The following KCNN2 variants were observed in gnomAD, a reference collection of about 807,000 sequenced individuals.
The protein encoded by KCNN2 is potassium calcium-activated channel subfamily N member 2, also known as small conductance calcium-activated potassium channel protein 2.
In KCNN2, 24 loss-of-function variants were observed where a neutral mutation model predicts 55.5. The observed-to-expected ratio is 0.43, with a 90% CI of 0.31 to 0.61. The LOEUF is 0.61. KCNN2 is among the 20% of genes least tolerant of loss of function. KCNN2 has a pLI of 0.08. For synonymous variants in KCNN2, 431 were observed against 336.1 expected (o/e 1.28, Z -3.09); for missense variants, 754 against 853.6 (o/e 0.88, Z 1.45).
chr5:114,199,485 A>G (rs991382426), intron 1 of KCNN2, among the ~76,000 whole-genome samples: 10 of 151,980 alleles, frequency 6.6e-5, no homozygotes, highest in African/African-American at 2.4e-4. Context: ...TTGTTTCATA[A>G]ATTATTTGTT....
chr5:114,283,878 T>G (rs1333134285), intron 2 of KCNN2, among the ~76,000 whole-genome samples: 2 of 152,202 alleles, frequency 1.3e-5, no homozygotes, highest in Non-Finnish European at 2.9e-5. Context: ...ATACATTACC[T>G]TAGGTTTTTA....
chr5:114,364,821 T>G (rs928075841), intron 2 of KCNN2, among the ~76,000 whole-genome samples: 2 of 152,004 alleles, frequency 1.3e-5, no homozygotes, highest in Non-Finnish European at 2.9e-5. Context: ...AGCTTAGAAT[T>G]TGCACTGTGT....
intron 2 of KCNN2, among the ~76,000 whole-genome samples, 186 bp downstream of exon 2, chr5:114,364,187 G>A (rs907094563): frequency 2.0e-5 from 3 of 152,180 alleles, no homozygotes; most frequent in Non-Finnish European, 4.4e-5. Context: ...ACAAGGCAGG[G>A]TAGCATATAA....
chr5:114,272,568 G>A (rs1755377378), intron 2 of KCNN2, among the ~76,000 whole-genome samples: 1 of 151,976 alleles, frequency 6.6e-6, no homozygotes, highest in Non-Finnish European at 1.5e-5. Context: ...AATACTAAAT[G>A]CTCTATAAAC....
rs1753596205 is a variant in KCNN2 at position 114,198,124 on chromosome 5, T to A, written c.-270-23356T>A. Reference sequence around the variant, plus strand: ...TTTTTTAAATAAATAGTTTATTCTCTGTAGGATCTATATCTGCCATTTGTT... The same window carrying A: ...TTTTTTAAATAAATAGTTTATTCTCAGTAGGATCTATATCTGCCATTTGTT... On this transcript the variant is annotated intron_variant, in intron 1 of 10. Coordinates refer to the KCNN2 transcript ENST00000512097. Among the ~76,000 whole-genome samples, 9 of 152,122 alleles carry A rather than the reference T, an allele frequency of 5.9e-5. No homozygotes were observed. The South Asian group carries it at 1.9e-3, about 32-fold the overall frequency.
intron 2 of KCNN2, among the ~76,000 whole-genome samples, chr5:114,333,610 TA>T (rs60329622): frequency 0.38 from 55,922 of 147,640 alleles, 11,752 homozygotes; most frequent in East Asian, 0.84. Context: ...GAGATGTTAG[TA>T]AAAAAAAAAA....
intron 2 of KCNN2, among the ~76,000 whole-genome samples, chr5:114,240,427 CTTTTTTTTTT>C (rs201223682): frequency 2.3e-5 from 3 of 130,396 alleles, no homozygotes; most frequent in Non-Finnish European, 4.9e-5. Context: ...TTTTCTTTCT[CTTTTTTTTTT>C]TTTTTTTTTT....
intron 2 of KCNN2, among the ~76,000 whole-genome samples, chr5:114,387,407 A>G (rs1425184469): frequency 6.6e-6 from 1 of 152,240 alleles, no homozygotes; most frequent in Non-Finnish European, 1.5e-5. Flanking sequence ...GGAATTAAAC[A>G]CTGAGCTACA....
intron 2 of KCNN2, among the ~76,000 whole-genome samples, chr5:114,375,033 A>G (rs1757891541): frequency 1.3e-5 from 2 of 152,072 alleles, no homozygotes; most frequent in South Asian, 2.1e-4. Context: ...AGACATACTG[A>G]TTTTTCAGGA....
intron 1 of KCNN2, among the ~76,000 whole-genome samples, chr5:114,215,200 A>G: frequency 6.6e-6 from 1 of 152,146 alleles, no homozygotes; most frequent in East Asian, 1.9e-4. Flanking sequence ...GCAGTCATTT[A>G]AGATTTTATT....
chr5:114,083,674 C>T (rs1750951290), intron 1 of KCNN2, among the ~76,000 whole-genome samples: 1 of 151,966 alleles, frequency 6.6e-6, no homozygotes, highest in Non-Finnish European at 1.5e-5. Flanking sequence ...ATTTATGAAC[C>T]AGTATTGATA....
At chr5:114,317,244 T>C (rs75842037) in intron 2 of KCNN2, among the ~76,000 whole-genome samples, 1 of 151,948 alleles carries the variant, frequency 6.6e-6, no homozygotes, top group Non-Finnish European at 1.5e-5. Flanking sequence ...TTTTTTTTTT[T>C]CAGGAAGCCA....
chr5:114,489,756 G>A (rs940891494), intron 6 of KCNN2, among the ~76,000 whole-genome samples: 23 of 152,174 alleles, frequency 1.5e-4, no homozygotes, highest in Non-Finnish European at 1.5e-4. Flanking sequence ...GAAGCACACA[G>A]GGCTCGATTC....
chr5:114,172,371 A>G (rs1326952035), intron 1 of KCNN2, among the ~76,000 whole-genome samples: 1 of 151,738 alleles, frequency 6.6e-6, no homozygotes, highest in Non-Finnish European at 1.5e-5. Flanking sequence ...CTGTTAAGCC[A>G]ATATCTCCAT....
At chr5:114,417,645 T>G (rs551821353) in intron 3 of KCNN2, among the ~76,000 whole-genome samples, 14 of 152,268 alleles carry the variant, frequency 9.2e-5, no homozygotes, top group African/African-American at 3.4e-4. Context: ...GGTGCCACAT[T>G]AGGCAGGTTT....
At chr5:114,226,812 A>G (rs1754245434) in intron 2 of KCNN2, among the ~76,000 whole-genome samples, 1 of 151,570 alleles carries the variant, frequency 6.6e-6, no homozygotes, top group Admixed American at 6.6e-5. Flanking sequence ...GAGGCAGGAG[A>G]ATCCCTTGAA....
At chr5:114,111,263 A>T (rs1247748868) in intron 1 of KCNN2, among the ~76,000 whole-genome samples, 2 of 152,188 alleles carry the variant, frequency 1.3e-5, no homozygotes, top group Non-Finnish European at 2.9e-5. Flanking sequence ...GTGCTGGAAA[A>T]AACAGGCTAG....
intron 3 of KCNN2, among the ~76,000 whole-genome samples, chr5:114,454,636 A>G (rs1270011109): frequency 6.6e-6 from 1 of 152,198 alleles, no homozygotes; most frequent in Non-Finnish European, 1.5e-5. Flanking sequence ...ACTTGAACTT[A>G]AGGCCCCAAA....
chr5:114,146,926 A>G (rs10477510), intron 1 of KCNN2, among the ~76,000 whole-genome samples: 91,173 of 152,010 alleles, frequency 0.6, 27,710 homozygotes, highest in East Asian at 0.75. Flanking sequence ...TTTTGTAACA[A>G]AGAGAACAAG....
Sources: allele counts gnomAD v4.1 joint callset (sites outside exome capture counted in the v4.1 genomes callset), GRCh38; gene constraint gnomAD v4.1.1; transcripts MANE v1.5; gene names NCBI Gene and HGNC (gene_info 2026-07-23, HGNC 2026-07-21).